The following ASPH variants were observed in gnomAD, a reference collection of about 807,000 sequenced individuals.
ASPH encodes aspartate beta-hydroxylase, also known as aspartyl/asparaginyl beta-hydroxylase.
In ASPH, 100 loss-of-function variants were observed where a neutral mutation model predicts 118.4. The ratio of observed to expected loss-of-function variants is 0.84; its 90% CI spans 0.72 to 1.00. ASPH has a LOEUF of 1.00. ASPH is among the 50% of genes least tolerant of loss of function. ASPH has a pLI of 0.00. For synonymous variants in ASPH, 315 were observed against 325.6 expected (o/e 0.97, Z 0.35); for missense variants, 920 against 919.5 (o/e 1.00, Z -0.01).
chr8:61,633,384 T>G (rs1255001553), intron 13 of ASPH: 1 of 216,590 alleles, frequency 4.6e-6, no homozygotes, highest in Non-Finnish European at 9.1e-6. Flanking sequence ...AGCCTGTCAA[T>G]CAAAGAGGAA....
chr8:61,664,600 C>A (rs752801685), intron 3 of ASPH: 12 of 985,794 alleles, frequency 1.2e-5, no homozygotes, highest in Non-Finnish European at 1.4e-5. Flanking sequence ...GAGTGAGGGG[C>A]AGCGGTGAGG....
At chr8:61,686,452 A>T (rs1830571856) in intron 1 of ASPH, among the ~76,000 whole-genome samples, 2 of 152,196 alleles carry the variant, frequency 1.3e-5, no homozygotes, top group Non-Finnish European at 2.9e-5. Context: ...AAAAAGATTT[A>T]CGAAAGTGAG....
At chr8:61,678,373 C>T (rs1777876594) in intron 3 of ASPH, among the ~76,000 whole-genome samples, 1 of 151,882 alleles carries the variant, frequency 6.6e-6, no homozygotes, top group Non-Finnish European at 1.5e-5. Flanking sequence ...ACAAAAGATA[C>T]CTATATTTTA....
chr8:61,625,282 C>G, intron 13 of ASPH: 1 of 985,798 alleles, frequency 1.0e-6, no homozygotes, highest in Non-Finnish European at 1.2e-6. Context: ...CGTGAAATAG[C>G]AGCAGGCATC....
chr8:61,567,657 T>G (rs1832168216), intron 16 of ASPH, among the ~76,000 whole-genome samples: 1 of 152,226 alleles, frequency 6.6e-6, no homozygotes, highest in Non-Finnish European at 1.5e-5. Flanking sequence ...ATTAATTTAT[T>G]CGTGTATGCA....
intron 3 of ASPH, chr8:61,663,302 A>C: frequency 1.0e-6 from 1 of 985,316 alleles, no homozygotes; most frequent in Non-Finnish European, 1.2e-6. Flanking sequence ...CCTGGGAAGA[A>C]TCACCATCCT....
intron 2 of ASPH, chr8:61,683,826 T>G (rs1829322215): frequency 2.1e-6 from 1 of 474,800 alleles, no homozygotes. Context: ...TATAAAGCCT[T>G]TTTTCAAAAA....
At chr8:61,584,177 C>T (rs1037024965) in intron 14 of ASPH, 148 bp from the exon 15 acceptor site, 39 of 568,262 alleles carry the variant, frequency 6.9e-5, no homozygotes, top group Non-Finnish European at 1.1e-4. Flanking sequence ...CCTTCCATTT[C>T]CTCCCCTAGA....
chr8:61,614,074 A>G (rs1472446636), intron 14 of ASPH, among the ~76,000 whole-genome samples: 1 of 152,284 alleles, frequency 6.6e-6, no homozygotes, highest in East Asian at 1.9e-4. Flanking sequence ...CTGTTAGTGT[A>G]AATGTGATTT....
chr8:61,682,958 C>A (rs1328945300), intron 2 of ASPH, among the ~76,000 whole-genome samples: 1 of 152,034 alleles, frequency 6.6e-6, no homozygotes, highest in Non-Finnish European at 1.5e-5. Context: ...GTGGAAACAA[C>A]CCAAATGTCC....
Position 61,503,275 on chromosome 8 carries a change from T to C in ASPH, c.*84A>G. The C allele has an allele frequency of 6.8e-7, 1 of 1,460,372 alleles. No homozygotes were observed. The highest frequency in any genetic ancestry group is 1.4e-5 in the South Asian group (1 of 70,770). The allele number at this position is 1,460,372 out of a possible 1,614,324, so 90.5% of individuals were successfully genotyped here. The stretch of plus-strand genomic sequence containing the variant: ...AGTCAAGGGAATTGACTCTTGGTGT[T>C]CGAAATTCTATCCTCACACCCAAGG... On this transcript the variant is annotated 3_prime_UTR_variant, in exon 25 of 25. Transcript: ENST00000379454.
At chr8:61,565,835 A>C (rs1190211808) in intron 17 of ASPH, among the ~76,000 whole-genome samples, 1 of 152,236 alleles carries the variant, frequency 6.6e-6, no homozygotes, top group East Asian at 1.9e-4. Flanking sequence ...GGAGACTTTA[A>C]GTTGAAGCCA....
chr8:61,507,408 T>C (rs1017456725), intron 24 of ASPH, among the ~76,000 whole-genome samples: 1 of 152,236 alleles, frequency 6.6e-6, no homozygotes, highest in South Asian at 2.1e-4. Flanking sequence ...GCCCTTCCAC[T>C]TTCTTTCATA....
At chr8:61,649,638 T>C (rs1809859435) in intron 5 of ASPH, among the ~76,000 whole-genome samples, 1 of 152,152 alleles carries the variant, frequency 6.6e-6, no homozygotes, top group African/African-American at 2.4e-5. Flanking sequence ...TACTTCCCTC[T>C]TTTGGCTGCC....
chr8:61,671,214 C>A (rs1454342945), intron 3 of ASPH, among the ~76,000 whole-genome samples: 1 of 152,160 alleles, frequency 6.6e-6, no homozygotes, highest in Non-Finnish European at 1.5e-5. Context: ...TAATTCTTGA[C>A]AGAATTAAAT....
In ASPH at chr8:61,633,742, A is replaced by G. The variant is rs775822216; in HGVS notation, c.890-15T>C. The G allele has an allele frequency of 1.1e-5, 17 of 1,579,646 alleles. No homozygotes were observed. In the South Asian group the frequency reaches 1.2e-4, roughly 11 times the overall value. ...AATGCTTACTTCTAAAATAAATAAT[A>G]AAGTTATAATCTGTTACATATTGCT... On this transcript the variant is annotated splice_polypyrimidine_tract_variant and intron_variant, in intron 12 of 24. Coordinates refer to ENST00000379454, the MANE Select transcript of ASPH (RefSeq NM_004318.4).
intron 1 of ASPH, among the ~76,000 whole-genome samples, chr8:61,710,692 A>C (rs1366495405): frequency 1.3e-5 from 2 of 152,204 alleles, no homozygotes; most frequent in Non-Finnish European, 2.9e-5. Flanking sequence ...CTATGTTTTC[A>C]TCTTAGAATG....
chr8:61,554,840 T>C (rs1292546090), intron 19 of ASPH, among the ~76,000 whole-genome samples: 1 of 152,206 alleles, frequency 6.6e-6, no homozygotes, highest in African/African-American at 2.4e-5. Flanking sequence ...TGGGCCTGAG[T>C]AGCTGGGACC....
chr8:61,621,542 G>A (rs1218464075), intron 13 of ASPH, among the ~76,000 whole-genome samples: 1 of 152,158 alleles, frequency 6.6e-6, no homozygotes, highest in Non-Finnish European at 1.5e-5. Context: ...ACCTCACTGT[G>A]CCAAAGAGGA....
Sources: gnomAD v4.1 joint callset for allele counts (sites outside exome capture counted in the v4.1 genomes callset) on GRCh38, gnomAD v4.1.1 for gene constraint, MANE v1.5 for transcripts, NCBI Gene and HGNC (gene_info 2026-07-23, HGNC 2026-07-21) for gene names.